Variants in DRC8 observed in about 807,000 individuals in gnomAD.
DRC8 encodes dynein regulatory complex subunit 8, also known as dynein regulatory complex protein 8.
the DRC8 span, among the ~76,000 whole-genome samples, chr1:245,055,355 T>G: frequency 6.6e-6 from 1 of 152,358 alleles, no homozygotes; most frequent in Non-Finnish European, 1.5e-5. Context: ...GATCTCACTC[T>G]GTCACCCAGG....
At chr1:245,112,310 G>A in the DRC8 span, among the ~76,000 whole-genome samples, 1 of 152,216 alleles carries the variant, frequency 6.6e-6, no homozygotes, top group Admixed American at 6.5e-5. Context: ...CCGACCTCAG[G>A]CGATCTGCCT....
At chr1:245,097,501 A>C in the DRC8 span, among the ~76,000 whole-genome samples, 1 of 151,960 alleles carries the variant, frequency 6.6e-6, no homozygotes, top group Non-Finnish European at 1.5e-5. This position sits in a 1 kb window ranked among gnomAD's most constrained non-coding sequence, Gnocchi z 5.0. Flanking sequence ...CTGGGAGACA[A>C]AGCAAGATTC....
chr1:245,006,961 A>G, the DRC8 span, among the ~76,000 whole-genome samples: 1 of 102,186 alleles, frequency 9.8e-6, no homozygotes, highest in African/African-American at 2.7e-5. Flanking sequence ...AACAACAACA[A>G]CAACAACAAA....
At chr1:245,000,767 C>T in the DRC8 span, among the ~76,000 whole-genome samples, 4 of 123,466 alleles carry the variant, frequency 3.2e-5, no homozygotes, top group East Asian at 5.4e-4. Flanking sequence ...GGCAACAGAG[C>T]GAGACTCCAT....
At chr1:245,063,155 GCT>G in the DRC8 span, among the ~76,000 whole-genome samples, 2 of 152,204 alleles carry the variant, frequency 1.3e-5, no homozygotes, top group East Asian at 3.9e-4. Context: ...ACTTCCGTCA[GCT>G]TGGTTTGCCA....
At chr1:245,108,841 ACT>A in the DRC8 span, among the ~76,000 whole-genome samples, 1 of 150,708 alleles carries the variant, frequency 6.6e-6, no homozygotes, top group African/African-American at 2.4e-5. Context: ...TAGCCTCCTA[ACT>A]CTGCCTCTAG....
At chr1:245,041,107 G>C in the DRC8 span, among the ~76,000 whole-genome samples, 2 of 152,186 alleles carry the variant, frequency 1.3e-5, no homozygotes, top group African/African-American at 4.8e-5. Context: ...TGCGTCTCTG[G>C]AAGTAATTTT....
the DRC8 span, among the ~76,000 whole-genome samples, chr1:245,064,088 G>A: frequency 3.9e-5 from 6 of 152,222 alleles, no homozygotes; most frequent in Non-Finnish European, 7.4e-5. Context: ...CATAGTTGTC[G>A]TCTGGAAGAG....
chr1:245,061,713 G>GT, the DRC8 span, among the ~76,000 whole-genome samples: 6 of 152,154 alleles, frequency 3.9e-5, no homozygotes, highest in Non-Finnish European at 8.8e-5. Context: ...TCAAAGCCCC[G>GT]TAAAAGTCAA....
chr1:244,980,013 G>T, the DRC8 span, among the ~76,000 whole-genome samples: 1 of 127,118 alleles, frequency 7.9e-6, no homozygotes, highest in Admixed American at 9.6e-5. Flanking sequence ...GACCATTCTG[G>T]CTAACACGGT....
the DRC8 span, chr1:244,970,608 C>G: frequency 3.0e-5 from 23 of 765,546 alleles, no homozygotes; most frequent in Non-Finnish European, 4.2e-5. Flanking sequence ...TCGCCCTGCC[C>G]CCGTCCCCGT....
the DRC8 span, among the ~76,000 whole-genome samples, chr1:244,985,352 G>A: frequency 2.0e-5 from 3 of 152,202 alleles, no homozygotes; most frequent in Admixed American, 6.5e-5. Flanking sequence ...GTACTTAGGT[G>A]TTCTAATTTC....
chr1:245,041,056 T>G, the DRC8 span, among the ~76,000 whole-genome samples: 285 of 152,172 alleles, frequency 1.9e-3, 2 homozygotes, highest in African/African-American at 6.5e-3. Context: ...TTGGGGTGTG[T>G]TTAGGTGGGA....
the DRC8 span, among the ~76,000 whole-genome samples, chr1:244,977,939 T>G: frequency 6.6e-6 from 1 of 152,154 alleles, no homozygotes. Context: ...TAAGGACACG[T>G]GGGGGAGCCC....
chr1:245,052,326 C>T, the DRC8 span, among the ~76,000 whole-genome samples: 1 of 152,156 alleles, frequency 6.6e-6, no homozygotes, highest in African/African-American at 2.4e-5. Context: ...GGACTAACAG[C>T]AGGCAGGATG....
chr1:245,125,125 T>C, the DRC8 span: 1 of 152,254 alleles, frequency 6.6e-6, no homozygotes, highest in South Asian at 2.1e-4. Context: ...TATCCCTTCA[T>C]CAGCTGATGA....
the DRC8 span, among the ~76,000 whole-genome samples, chr1:244,993,090 G>A: frequency 6.6e-6 from 1 of 152,240 alleles, no homozygotes; most frequent in African/African-American, 2.4e-5. Flanking sequence ...GAGACAGAAA[G>A]AGATGACACA....
At chr1:245,065,073 C>CTTTTTTTTTTT in the DRC8 span, among the ~76,000 whole-genome samples, 1,713 of 81,536 alleles carry the variant, frequency 0.021, 26 homozygotes, top group Non-Finnish European at 0.025. Flanking sequence ...TAACATTCTT[C>CTTTTTTTTTTT]TTTTTTTTTT....
the DRC8 span, among the ~76,000 whole-genome samples, chr1:245,035,380 A>C: frequency 7.1e-6 from 1 of 140,278 alleles, no homozygotes; most frequent in Admixed American, 7.1e-5. Context: ...AGACACATGC[A>C]TCAGTGGAAT....
Sources: gnomAD v4.1 joint callset for allele counts (sites outside exome capture counted in the v4.1 genomes callset) on GRCh38, gnomAD v4.1.1 for gene constraint, Gnocchi (gnomAD v3.1) non-coding constraint, MANE v1.5 for transcripts, NCBI Gene and HGNC (gene_info 2026-07-23, HGNC 2026-07-21) for gene names.